LGSN: variants seen among roughly 807,000 people sequenced by gnomAD.
LGSN encodes lengsin, lens protein with glutamine synthetase domain, also known as lengsin.
In LGSN, 21 loss-of-function variants were observed where a neutral mutation model predicts 19.5. The ratio of observed to expected loss-of-function variants is 1.07; its 90% CI spans 0.76 to 1.55. The LOEUF (loss-of-function observed/expected upper bound fraction) is 1.55. Ranked by LOEUF, LGSN falls within the 40% of genes most tolerant of loss-of-function variation. The pLI is 0.00. For missense variants in LGSN, 673 were observed against 608.5 expected, an observed-to-expected ratio of 1.11 and a Z score of -1.12; for synonymous variants, 257 against 215.6, an observed-to-expected ratio of 1.19 and a Z score of -1.68.
upstream of LGSN, among the ~76,000 whole-genome samples, chr6:63,324,061 C>T (rs1044715546): frequency 1.3e-5 from 2 of 152,114 alleles, no homozygotes; most frequent in Admixed American, 6.5e-5. Context: ...CGTGAGCCAC[C>T]GCTTCCGGCT....
chr6:63,431,398 G>A, the LGSN span, among the ~76,000 whole-genome samples: 2 of 152,216 alleles, frequency 1.3e-5, no homozygotes, highest in Admixed American at 6.5e-5. Context: ...CTGATCCCCA[G>A]ATGTTGACAT....
chr6:63,476,012 C>G, the LGSN span, among the ~76,000 whole-genome samples: 2 of 152,024 alleles, frequency 1.3e-5, no homozygotes, highest in African/African-American at 4.8e-5. Context: ...AGATCAAGAG[C>G]CGAGTGGAGA....
At chr6:63,437,071 G>C in the LGSN span, among the ~76,000 whole-genome samples, 1 of 141,108 alleles carries the variant, frequency 7.1e-6, no homozygotes, top group Admixed American at 7.4e-5. Context: ...GGAAGGGAAG[G>C]GGAGGGGAGG....
At chr6:63,444,943 A>G in the LGSN span, among the ~76,000 whole-genome samples, 144 of 152,314 alleles carry the variant, frequency 9.5e-4, 2 homozygotes, top group African/African-American at 3.2e-3. Context: ...TGTCCAAAAC[A>G]GTTGAGCTGA....
chr6:63,385,545 C>G, the LGSN span, among the ~76,000 whole-genome samples: 2 of 152,180 alleles, frequency 1.3e-5, no homozygotes, highest in East Asian at 3.8e-4. Flanking sequence ...TTGCTCTAGA[C>G]TTTACTCCTT....
At chr6:63,447,392 A>G in the LGSN span, among the ~76,000 whole-genome samples, 7 of 152,334 alleles carry the variant, frequency 4.6e-5, no homozygotes, top group South Asian at 8.3e-4. Context: ...CAGTGTTGCT[A>G]TATTTAGAAA....
the LGSN span, among the ~76,000 whole-genome samples, chr6:63,520,092 C>A: frequency 6.6e-6 from 1 of 152,186 alleles, no homozygotes; most frequent in Admixed American, 6.5e-5. Flanking sequence ...ACATAATTAT[C>A]AAACAAAAAC....
the LGSN span, among the ~76,000 whole-genome samples, chr6:63,454,534 G>A: frequency 6.2e-5 from 9 of 145,012 alleles, no homozygotes; most frequent in Admixed American, 2.8e-4. Flanking sequence ...GTGCAGTGGC[G>A]TGATCTCAGC....
chr6:63,355,673 ACT>A, the LGSN span, among the ~76,000 whole-genome samples: 1 of 151,886 alleles, frequency 6.6e-6, no homozygotes, highest in African/African-American at 2.4e-5. Flanking sequence ...TCACTCCAGT[ACT>A]CTGTCTTTTT....
the LGSN span, among the ~76,000 whole-genome samples, chr6:63,552,747 A>C: frequency 3.0e-4 from 46 of 152,298 alleles, no homozygotes; most frequent in Non-Finnish European, 5.1e-4. Context: ...TCAGCTTTCT[A>C]CATATGGCTA....
chr6:63,541,026 AAAGGAAGGAAGGAAGG>A, the LGSN span, among the ~76,000 whole-genome samples: 1 of 146,466 alleles, frequency 6.8e-6, no homozygotes, highest in East Asian at 2.0e-4. Context: ...GGGAATGAAG[AAAGGAAGGAAGGAAGG>A]AAGGAAGGAA....
chr6:63,369,711 G>A, the LGSN span, among the ~76,000 whole-genome samples: 1 of 152,182 alleles, frequency 6.6e-6, no homozygotes, highest in Non-Finnish European at 1.5e-5. Context: ...AATAGGAATA[G>A]AGTACTCAAA....
chr6:63,338,420 C>T, the LGSN span, among the ~76,000 whole-genome samples: 1 of 152,074 alleles, frequency 6.6e-6, no homozygotes, highest in East Asian at 1.9e-4. Flanking sequence ...CTTCCTAGTT[C>T]AATCTTAGTA....
At chr6:63,555,941 T>C in the LGSN span, among the ~76,000 whole-genome samples, 9 of 152,122 alleles carry the variant, frequency 5.9e-5, no homozygotes, top group Non-Finnish European at 1.3e-4. Flanking sequence ...TCTGCCTGCC[T>C]CAGCCTCCCA....
chr6:63,487,027 G>A, the LGSN span, among the ~76,000 whole-genome samples: 16 of 151,778 alleles, frequency 1.1e-4, 1 homozygote, highest in South Asian at 3.1e-3. Context: ...GTAGAGATGG[G>A]GTTTCACCAT....
the LGSN span, among the ~76,000 whole-genome samples, chr6:63,351,065 G>A: frequency 6.6e-6 from 1 of 152,034 alleles, no homozygotes; most frequent in Admixed American, 6.6e-5. Flanking sequence ...TTTGAGAGGC[G>A]ATTAGGTTAT....
At chr6:63,415,112 G>A in the LGSN span, among the ~76,000 whole-genome samples, 1 of 152,028 alleles carries the variant, frequency 6.6e-6, no homozygotes, top group Non-Finnish European at 1.5e-5. Flanking sequence ...AGGAGGTCAG[G>A]AGTTCGAGAT....
chr6:63,513,489 T>C, the LGSN span, among the ~76,000 whole-genome samples: 1 of 152,226 alleles, frequency 6.6e-6, no homozygotes, highest in East Asian at 1.9e-4. Context: ...CCCCTTTTCC[T>C]GGAATTAATT....
At chr6:63,571,583 T>G in the LGSN span, 1 of 152,254 alleles carries the variant, frequency 6.6e-6, no homozygotes, top group African/African-American at 2.4e-5. Flanking sequence ...ACATCAGTGC[T>G]TGACAAAACC....
Sources: allele counts gnomAD v4.1 joint callset (sites outside exome capture counted in the v4.1 genomes callset), GRCh38; gene constraint gnomAD v4.1.1; transcripts MANE v1.5; gene names NCBI Gene and HGNC (gene_info 2026-07-23, HGNC 2026-07-21).